LRP8: variants seen among roughly 807,000 people sequenced by gnomAD.
LRP8 encodes low-density lipoprotein receptor-related protein 8.
Under a neutral mutation model 111.6 loss-of-function variants are expected in LRP8, and 46 were observed. The observed-to-expected ratio is 0.41, with a 90% CI of 0.33 to 0.53. LRP8 has a LOEUF of 0.53. LRP8 is among the 20% of genes least tolerant of loss of function. The pLI is 0.20. For synonymous variants in LRP8, 464 were observed against 511.2 expected (o/e 0.91, Z 1.24); for missense variants, 959 against 1,297.4 (o/e 0.74, Z 4.01).
chr1:53,323,719 G>A (rs960354605), intron 2 of LRP8, among the ~76,000 whole-genome samples: 4 of 152,240 alleles, frequency 2.6e-5, no homozygotes, highest in African/African-American at 9.6e-5. Context: ...ATGAGGCTCG[G>A]GACTTAGAAG....
intron 2 of LRP8, among the ~76,000 whole-genome samples, chr1:53,291,083 A>G (rs1229210081): frequency 6.6e-6 from 1 of 152,094 alleles, no homozygotes; most frequent in Non-Finnish European, 1.5e-5. Context: ...CTGCTGTGCT[A>G]TTTTGCTCTG....
At chr1:53,272,729 T>A in intron 6 of LRP8, 2 of 1,233,808 alleles carry the variant, frequency 1.6e-6, no homozygotes, top group Admixed American at 4.6e-5. Context: ...CTCAGACCCT[T>A]GGAGGTGGGC....
intron 2 of LRP8, among the ~76,000 whole-genome samples, chr1:53,321,668 G>A (rs1654536092): frequency 6.6e-6 from 1 of 152,018 alleles, no homozygotes; most frequent in Non-Finnish European, 1.5e-5. Context: ...AACCATCCCT[G>A]AGGCCCAAGG....
intron 3 of LRP8, among the ~76,000 whole-genome samples, chr1:53,281,678 A>G (rs964265657): frequency 2.0e-5 from 3 of 152,198 alleles, no homozygotes; most frequent in Non-Finnish European, 4.4e-5. Context: ...ATCCTACTTC[A>G]ATCACTCACT....
chr1:53,283,677 T>G (rs111162043), intron 3 of LRP8, among the ~76,000 whole-genome samples: 15 of 7,690 alleles, frequency 2.0e-3, no homozygotes, highest in African/African-American at 3.9e-3. Flanking sequence ...CCCGGGCCAC[T>G]TACTTACTAC....
At position 53,250,563 on chromosome 1, in the gene LRP8, G is replaced by A. The variant is rs1014548180; in HGVS notation, c.2676+127C>T. The A allele has an allele frequency of 4.8e-5, 36 of 751,410 alleles. No individual in the cohort carries two copies. Among genetic ancestry groups the A allele is most frequent in the Middle Eastern group, 5.0e-4 (2 of 3,982 alleles). 46.5% of individuals were successfully genotyped at this position (751,410 alleles called of 1,614,324 possible). A position where few individuals can be genotyped will look rare whatever the true frequency, so the allele number is the denominator to read the frequency against. On this transcript the variant is annotated intron_variant, in intron 17 of 18. Transcript: ENST00000306052. This position sits in a 1 kb window ranked among gnomAD's most constrained non-coding sequence, Gnocchi z 4.6. ...GGAGGGAAGGACGGAAGGAAAGGAGGGAGGGAAGGACGGAAGGAAGGAAGG... is the reference window on the plus strand; with the variant it reads ...GGAGGGAAGGACGGAAGGAAAGGAGAGAGGGAAGGACGGAAGGAAGGAAGG...
At chr1:53,299,135 G>A (rs183016300) in intron 2 of LRP8, among the ~76,000 whole-genome samples, 2 of 152,128 alleles carry the variant, frequency 1.3e-5, no homozygotes, top group African/African-American at 4.8e-5. Flanking sequence ...CCCTGCCTGT[G>A]TGGAGCGAAT....
chr1:53,276,668 C>A, intron 5 of LRP8, 24 bp downstream of exon 5: 2 of 1,514,952 alleles, frequency 1.3e-6, no homozygotes, highest in African/African-American at 1.4e-5. Flanking sequence ...CTGGGCGGGG[C>A]TGGGCGGTAT....
At chr1:53,327,568 C>A (rs915817773) in intron 1 of LRP8, among the ~76,000 whole-genome samples, 1 of 152,232 alleles carries the variant, frequency 6.6e-6, no homozygotes, top group Non-Finnish European at 1.5e-5. Flanking sequence ...TGCACCCCTC[C>A]CCCAAGATCC....
chr1:53,248,651 AATAT>A (rs1423615950), intron 18 of LRP8, among the ~76,000 whole-genome samples: 1 of 152,200 alleles, frequency 6.6e-6, no homozygotes, highest in Non-Finnish European at 1.5e-5. Flanking sequence ...TAAATGAGAA[AATAT>A]ATGTAAAACA....
chr1:53,252,041 CAAA>C (rs776015082), intron 16 of LRP8, among the ~76,000 whole-genome samples: 12 of 53,724 alleles, frequency 2.2e-4, no homozygotes, highest in African/African-American at 2.4e-4. Context: ...GACCTTGTCT[CAAA>C]AAAAAAAAAA....
chr1:53,257,432 A>C lies in LRP8; in HGVS notation c.2242T>G (p.Ser748Ala). The C allele has an allele frequency of 6.2e-7, 1 of 1,614,118 alleles. No individual in the cohort carries two copies. The highest frequency in any genetic ancestry group is 8.5e-7 in the Non-Finnish European group (1 of 1,180,020). Residue 748 changes from serine (S) to alanine (A), a missense_variant, in exon 15 of 19, where the codon TCT becomes GCT. Ser to Ala is a moderately conservative substitution (Grantham distance 99). This residue lies in a region of LRP8 where 819 missense variants were observed against 1,097.6 expected (regional missense o/e 0.75). Transcript: ENST00000306052. ...PQSTSTTTLA[S>A]TMTRTVPATT... Reference sequence around the variant, plus strand: ...GCAGGTACTGTCCTCGTCATGGTAGAAGCTAACGTCGTAGTTGAGGTAGAT... The same window carrying C: ...GCAGGTACTGTCCTCGTCATGGTAGCAGCTAACGTCGTAGTTGAGGTAGAT...
At chr1:53,255,975 A>C (rs1482729663) in intron 15 of LRP8, among the ~76,000 whole-genome samples, 2 of 152,262 alleles carry the variant, frequency 1.3e-5, no homozygotes, top group African/African-American at 4.8e-5. Context: ...AATTTTAAAA[A>C]GATATGTAAA....
chr1:53,316,563 A>G (rs1178711696), intron 2 of LRP8, among the ~76,000 whole-genome samples: 2 of 152,202 alleles, frequency 1.3e-5, no homozygotes, highest in Non-Finnish European at 2.9e-5. Flanking sequence ...CCTGGGCCTC[A>G]GAGAACAGGG....
At chr1:53,278,606 T>C (rs1002190744) in intron 4 of LRP8, among the ~76,000 whole-genome samples, 2 of 152,068 alleles carry the variant, frequency 1.3e-5, no homozygotes, top group African/African-American at 4.8e-5. Context: ...CACTGGGGCA[T>C]TGGTGGAAAA....
intron 4 of LRP8, among the ~76,000 whole-genome samples, chr1:53,277,661 G>A (rs1646970744): frequency 1.3e-5 from 2 of 152,298 alleles, no homozygotes; most frequent in Non-Finnish European, 2.9e-5. Context: ...CATCTGCTGG[G>A]AACCTACTTC....
chr1:53,261,557 G>A (rs1214981777), intron 12 of LRP8, among the ~76,000 whole-genome samples: 1 of 152,180 alleles, frequency 6.6e-6, no homozygotes, highest in Non-Finnish European at 1.5e-5. Flanking sequence ...TTAGGGTCAG[G>A]GCACAGGAGG....
At chr1:53,285,749 C>T (rs1398617853) in intron 3 of LRP8, among the ~76,000 whole-genome samples, 3 of 152,200 alleles carry the variant, frequency 2.0e-5, no homozygotes, top group African/African-American at 7.2e-5. Flanking sequence ...GATGCAGACC[C>T]CATCCCAGGA....
chr1:53,308,364 A>T (rs1652379229), intron 2 of LRP8, among the ~76,000 whole-genome samples: 1 of 152,180 alleles, frequency 6.6e-6, no homozygotes, highest in Non-Finnish European at 1.5e-5. Context: ...TCTCCTGGGG[A>T]GCCCCACCTT....
Sources: gnomAD v4.1 joint callset for allele counts (sites outside exome capture counted in the v4.1 genomes callset) on GRCh38, gnomAD v4.1.1 for gene constraint, gnomAD v4.1.1 regional missense constraint, Gnocchi (gnomAD v3.1) non-coding constraint, MANE v1.5 for transcripts, NCBI Gene and HGNC (gene_info 2026-07-23, HGNC 2026-07-21) for gene names.